GFRAL: variants seen among roughly 807,000 people sequenced by gnomAD.
GFRAL encodes the protein GDNF family receptor alpha-like.
A neutral mutation model predicts 45.4 loss-of-function variants in GFRAL; 36 were observed. The observed-to-expected ratio is 0.79, with a 90% confidence interval of 0.61 to 1.05. The LOEUF is 1.05. Among genes scored for constraint, GFRAL ranks in the 50% least tolerant of loss-of-function variants. GFRAL has a pLI of 0.00. For missense variants in GFRAL, 507 were observed against 467.5 expected (o/e 1.08, Z -0.78); for synonymous variants, 166 against 154.1 (o/e 1.08, Z -0.57).
chr6:55,366,746 T>C (rs1458922462), intron 6 of GFRAL, among the ~76,000 whole-genome samples: 102 of 104,322 alleles, frequency 9.8e-4, no homozygotes, highest in African/African-American at 2.0e-3. Context: ...TGTAGTTGAG[T>C]GGTTTTGAGT....
chr6:55,345,683 A>G lies in GFRAL; in HGVS notation c.317-4409A>G, dbSNP rs1269034999. Among the ~76,000 whole-genome samples the G allele has an allele frequency of 2.0e-5, 3 of 152,356 alleles. No homozygotes were observed. The East Asian group carries it at 5.8e-4, about 29-fold the overall frequency. ...CAAAAACAATGGCAACAAAAGCCAA[A>G]ATTGACAAATGGGATCTAATTAAAC... is the stretch of plus-strand genomic sequence containing the variant. On this transcript the variant is annotated intron_variant, in intron 3 of 8. Coordinates refer to ENST00000340465, the MANE Select transcript of GFRAL (RefSeq NM_207410.2).
intron 6 of GFRAL, among the ~76,000 whole-genome samples, chr6:55,378,216 G>C (rs1361792552): frequency 6.6e-6 from 1 of 151,962 alleles, no homozygotes; most frequent in Non-Finnish European, 1.5e-5. Context: ...AGCACTCTTA[G>C]GTTGCAGCTG....
At chr6:55,366,596 C>G (rs1237951818) in intron 6 of GFRAL, among the ~76,000 whole-genome samples, 1 of 136,498 alleles carries the variant, frequency 7.3e-6, no homozygotes, top group East Asian at 2.0e-4. Context: ...AAATTTCCCT[C>G]TACACACTGC....
chr6:55,371,019 A>T (rs1215815925), intron 6 of GFRAL, among the ~76,000 whole-genome samples: 2 of 152,188 alleles, frequency 1.3e-5, no homozygotes, highest in Non-Finnish European at 2.9e-5. Flanking sequence ...GCCATCCTGC[A>T]ACTGCTGCCA....
At chr6:55,357,347 T>G (rs1768208320) in intron 5 of GFRAL, among the ~76,000 whole-genome samples, 1 of 151,890 alleles carries the variant, frequency 6.6e-6, no homozygotes, top group Non-Finnish European at 1.5e-5. Flanking sequence ...GGTACTGCAG[T>G]GTTGGGTGCA....
At chr6:55,376,875 C>T (rs1768541781) in intron 6 of GFRAL, among the ~76,000 whole-genome samples, 1 of 151,976 alleles carries the variant, frequency 6.6e-6, no homozygotes. Context: ...CTTCTGCTAG[C>T]TTTGGGGTTT....
intron 6 of GFRAL, among the ~76,000 whole-genome samples, chr6:55,390,580 T>C (rs983966339): frequency 2.6e-5 from 4 of 152,138 alleles, no homozygotes; most frequent in African/African-American, 9.7e-5. Flanking sequence ...GTAGTAAATA[T>C]TGACCTCCCA....
At chr6:55,343,452 A>C (rs1767997339) in intron 3 of GFRAL, among the ~76,000 whole-genome samples, 1 of 152,218 alleles carries the variant, frequency 6.6e-6, no homozygotes, top group South Asian at 2.1e-4. Context: ...AAATGAAGGC[A>C]GAAATAAAGA....
intron 6 of GFRAL, among the ~76,000 whole-genome samples, chr6:55,371,874 T>C (rs1356646144): frequency 6.6e-6 from 1 of 152,180 alleles, no homozygotes; most frequent in Non-Finnish European, 1.5e-5. Flanking sequence ...ACCCAACTTA[T>C]TCATTAGCAC....
intron 3 of GFRAL, among the ~76,000 whole-genome samples, chr6:55,338,135 G>T (rs1487046676): frequency 6.6e-6 from 1 of 152,066 alleles, no homozygotes; most frequent in Non-Finnish European, 1.5e-5. Context: ...CTGTCGCCCA[G>T]GCTGGAGTGC....
Position 55,360,219 on chromosome 6 carries a change from C to T in GFRAL, c.952+1081C>T, listed in dbSNP as rs548728522. 2.6e-5 allele frequency among the ~76,000 whole-genome samples: 4 copies of T among 152,020 alleles called. No individual in the cohort carries two copies. In the South Asian group the frequency reaches 8.3e-4, roughly 32 times the overall value. On this transcript the variant is annotated intron_variant, in intron 6 of 8. Transcript: ENST00000340465. ...TCTATTATCCATCTTCAGGGTTAGA[C>T]CATGCAACCTTCGACGTCCCCAAAC...
At chr6:55,332,821 G>T (rs1721075571) in intron 2 of GFRAL, among the ~76,000 whole-genome samples, 1 of 152,076 alleles carries the variant, frequency 6.6e-6, no homozygotes, top group Non-Finnish European at 1.5e-5. Context: ...TTCATTAAAA[G>T]TAAATAGAAT....
At chr6:55,366,427 T>C (rs1171679039) in intron 6 of GFRAL, among the ~76,000 whole-genome samples, 2 of 146,636 alleles carry the variant, frequency 1.4e-5, no homozygotes, top group Non-Finnish European at 3.0e-5. Flanking sequence ...GGGTTTTTTG[T>C]GTCTCTATTT....
intron 6 of GFRAL, among the ~76,000 whole-genome samples, chr6:55,382,272 T>G (rs1297022398): frequency 6.6e-6 from 1 of 151,948 alleles, no homozygotes; most frequent in Non-Finnish European, 1.5e-5. Context: ...TCCTTAAGGA[T>G]CTTGTTTTTT....
Position 55,345,045 on chromosome 6 carries a change from C to T in GFRAL, c.317-5047C>T, listed in dbSNP as rs576621559. 2.0e-5 allele frequency among the ~76,000 whole-genome samples: 3 copies of T among 152,214 alleles called. No individual in the cohort carries two copies. In the East Asian group the frequency reaches 5.8e-4, roughly 29 times the overall value. ...CACTGCTGAACAGAATAAAAGAGGA[C>T]ACAAACAAATCGAAGAGCATTCCAT... On this transcript the variant is annotated intron_variant, in intron 3 of 8. Coordinates refer to ENST00000340465, the MANE Select transcript of GFRAL (RefSeq NM_207410.2).
intron 6 of GFRAL, among the ~76,000 whole-genome samples, chr6:55,369,497 A>G (rs1768420913): frequency 6.6e-6 from 1 of 152,188 alleles, no homozygotes; most frequent in Non-Finnish European, 1.5e-5. Flanking sequence ...GTCATATCAT[A>G]TCTTATAGTA....
chr6:55,381,683 T>G (rs1320734984), intron 6 of GFRAL, among the ~76,000 whole-genome samples: 2 of 151,906 alleles, frequency 1.3e-5, no homozygotes, highest in Non-Finnish European at 2.9e-5. Context: ...AATGACTTAA[T>G]AAAGGTTCGA....
rs543453068 is a variant in GFRAL at position 55,401,987 on chromosome 6, CT to C, written c.*140del. ...CTCTGTTTCTTTTTCTTTTTCTTTT[CT>C]TTTTTGTGGCGGAGTTTTGCTCTTG... is the stretch of plus-strand genomic sequence containing the variant. On this transcript the variant is annotated 3_prime_UTR_variant, in exon 9 of 9. Transcript: ENST00000340465. 95 of 584,448 alleles carry C rather than the reference CT, an allele frequency of 1.6e-4. No homozygotes were observed. The South Asian group carries it at 2.2e-3, about 13-fold the overall frequency. The allele number at this position is 584,448 out of a possible 1,614,324, so 36.2% of individuals were successfully genotyped here. A position where few individuals can be genotyped will look rare whatever the true frequency, so the allele number is the denominator to read the frequency against.
chr6:55,358,703 T>G (rs41474045), intron 5 of GFRAL, among the ~76,000 whole-genome samples, 185 bp from the exon 6 acceptor site: 24,803 of 151,978 alleles, frequency 0.16, 2,335 homozygotes, highest in African/African-American at 0.25. Flanking sequence ...TAATTCACAA[T>G]ATTACTCTAC....
Sources: allele counts gnomAD v4.1 joint callset (sites outside exome capture counted in the v4.1 genomes callset), GRCh38; gene constraint gnomAD v4.1.1; transcripts MANE v1.5; gene names NCBI Gene and HGNC (gene_info 2026-07-23, HGNC 2026-07-21).